Variants in RAB27B observed in about 807,000 individuals in gnomAD.
RAB27B encodes RAB27B, member RAS oncogene family.
A neutral mutation model predicts 24.6 loss-of-function variants in RAB27B; 15 were observed. The ratio of observed to expected loss-of-function variants is 0.61; its 90% CI spans 0.41 to 0.94. RAB27B has a LOEUF of 0.94. Ranked by LOEUF, RAB27B falls within the 40% of genes least tolerant of loss-of-function variation. The probability of loss-of-function intolerance (pLI) is 0.00; values close to 1 mark genes in which losing one functional copy is unlikely to be tolerated. For missense variants in RAB27B, 261 were observed against 266.8 expected (o/e 0.98, Z 0.15); for synonymous variants, 105 against 92.5 (o/e 1.14, Z -0.78).
intron 2 of RAB27B, among the ~76,000 whole-genome samples, chr18:54,812,550 A>AACAC (rs10595171): frequency 0.14 from 18,782 of 138,948 alleles, 1,451 homozygotes; most frequent in Middle Eastern, 0.21. Flanking sequence ...GAACTCCTTT[A>AACAC]ACACACACAC....
At chr18:54,833,523 G>A (rs920136780) in intron 1 of RAB27B, among the ~76,000 whole-genome samples, 8 of 151,986 alleles carry the variant, frequency 5.3e-5, no homozygotes, top group Admixed American at 2.0e-4. Context: ...AACTGCACCC[G>A]GCCATGAATC....
At chr18:54,806,257 G>T (rs1472242802) in intron 2 of RAB27B, among the ~76,000 whole-genome samples, 3 of 152,018 alleles carry the variant, frequency 2.0e-5, no homozygotes, top group Non-Finnish European at 4.4e-5. Context: ...GCTAGTATCT[G>T]AATCATCTGC....
chr18:54,787,980 G>A (rs1909140196), intron 2 of RAB27B, among the ~76,000 whole-genome samples: 1 of 152,220 alleles, frequency 6.6e-6, no homozygotes, highest in Non-Finnish European at 1.5e-5. Flanking sequence ...TTGTCACTCA[G>A]AACTTGCTAT....
intron 1 of RAB27B, among the ~76,000 whole-genome samples, chr18:54,872,608 A>G (rs566559020): frequency 1.0e-4 from 15 of 149,310 alleles, no homozygotes; most frequent in African/African-American, 3.2e-4. Flanking sequence ...CTGGGCAAGA[A>G]GAGTGAAACT....
In RAB27B at chr18:54,780,915, G is replaced by A. The variant is rs183013611; in HGVS notation, c.-20+62774G>A. On this transcript the variant is annotated intron_variant, in intron 2 of 4. Coordinates refer to the RAB27B transcript ENST00000586570. ...ACTGGGAGTAGCATATAGGCTAACA[G>A]CTCATTAGTAGTGTTCTACATAGCC... Among the ~76,000 whole-genome samples, 15 of 152,338 alleles carry A rather than the reference G, an allele frequency of 9.8e-5. No individual in the cohort carries two copies. In the East Asian group the frequency reaches 2.9e-3, roughly 29 times the overall value.
At chr18:54,808,068 G>GT (rs1373331009) in intron 2 of RAB27B, among the ~76,000 whole-genome samples, 1 of 152,158 alleles carries the variant, frequency 6.6e-6, no homozygotes, top group Non-Finnish European at 1.5e-5. Context: ...TAGAAGGAAG[G>GT]TGTCCTTCAT....
intron 2 of RAB27B, among the ~76,000 whole-genome samples, chr18:54,743,570 C>T (rs545909829): frequency 1.3e-4 from 20 of 152,066 alleles, no homozygotes; most frequent in Admixed American, 4.6e-4. Context: ...ACAATAAATG[C>T]GGGAAAAAGC....
At chr18:54,730,351 G>A (rs575017090) in intron 2 of RAB27B, among the ~76,000 whole-genome samples, 2 of 152,268 alleles carry the variant, frequency 1.3e-5, no homozygotes, top group South Asian at 2.1e-4. Context: ...CATGGACTGC[G>A]CCTTCCGACA....
chr18:54,884,049 T>G (rs778158870), intron 3 of RAB27B, among the ~76,000 whole-genome samples: 3 of 152,090 alleles, frequency 2.0e-5, no homozygotes, highest in Non-Finnish European at 4.4e-5. Context: ...GCCAAAAAGA[T>G]TCCAAGAAGC....
intron 2 of RAB27B, among the ~76,000 whole-genome samples, chr18:54,794,605 GA>G (rs1047469631): frequency 9.2e-5 from 14 of 152,304 alleles, no homozygotes; most frequent in African/African-American, 2.9e-4. Flanking sequence ...CACAATGTTG[GA>G]AAAATTCTTG....
chr18:54,749,275 A>T (rs1907749357), intron 2 of RAB27B, among the ~76,000 whole-genome samples: 1 of 152,174 alleles, frequency 6.6e-6, no homozygotes, highest in African/African-American at 2.4e-5. Flanking sequence ...AGGTAGGGGA[A>T]AGTCAGAGAG....
At chr18:54,879,933 A>C in intron 3 of RAB27B, 2 of 154,236 alleles carry the variant, frequency 1.3e-5, no homozygotes, top group Non-Finnish European at 2.9e-5. Context: ...AGAATATTTT[A>C]CTCCTTCCCA....
intron 1 of RAB27B, among the ~76,000 whole-genome samples, chr18:54,839,115 G>GC (rs1911008633): frequency 6.6e-6 from 1 of 152,060 alleles, no homozygotes; most frequent in Non-Finnish European, 1.5e-5. Context: ...ATTTGACATG[G>GC]TTATCAAGGG....
Position 54,889,259 on chromosome 18 carries a change from A to G in RAB27B, c.503A>G (p.Gln168Arg), listed in dbSNP as rs1331645296. Residue 168 changes from glutamine to arginine, a missense_variant, in exon 6 of 6, where the codon CAG (glutamine) becomes CGG (arginine). Gln to Arg is a conservative substitution (Grantham distance 43). Transcript: ENST00000262094. ...TTTGAAACAAGTGCAGCAACTGGAC[A>G]GAATGTGGAGAAAGCTGTAGAAACC... The part of the protein sequence containing the change: ...PYFETSAATG[Q>R]NVEKAVETLL... 3 of 1,611,808 alleles carry G rather than the reference A, an allele frequency of 1.9e-6. No homozygotes were observed. Among genetic ancestry groups the G allele is most frequent in the East Asian group, 4.5e-5 (2 of 44,844 alleles).
At chr18:54,780,616 A>G (rs1908885268) in intron 2 of RAB27B, among the ~76,000 whole-genome samples, 1 of 152,102 alleles carries the variant, frequency 6.6e-6, no homozygotes, top group South Asian at 2.1e-4. Flanking sequence ...CACCATTCGT[A>G]TTGGATTAGA....
At chr18:54,816,358 C>T (rs374342155) in intron 2 of RAB27B, among the ~76,000 whole-genome samples, 1 of 152,200 alleles carries the variant, frequency 6.6e-6, no homozygotes, top group East Asian at 1.9e-4. Context: ...AATTCAATTT[C>T]GAGATATTTC....
chr18:54,765,103 A>G (rs1221854604), intron 2 of RAB27B, among the ~76,000 whole-genome samples: 1 of 152,192 alleles, frequency 6.6e-6, no homozygotes, highest in African/African-American at 2.4e-5. Flanking sequence ...AAAACAAACA[A>G]GCAAAAAAAA....
At position 54,777,151 on chromosome 18, in the gene RAB27B, A is replaced by G. The variant is rs960620300; in HGVS notation, c.-20+59010A>G. Among the ~76,000 whole-genome samples the G allele has an allele frequency of 2.6e-5, 4 of 152,248 alleles. No individual in the cohort carries two copies. The East Asian group carries it at 7.7e-4, about 29-fold the overall frequency. On this transcript the variant is annotated intron_variant, in intron 2 of 4. Transcript: ENST00000586570. ...ATTTGTATACATTCTGGGAAATGTG[A>G]GAGAAATCCTCAAATTTACAATAAC...
chr18:54,776,010 A>T (rs1450309993), intron 2 of RAB27B, among the ~76,000 whole-genome samples: 1 of 152,240 alleles, frequency 6.6e-6, no homozygotes, highest in African/African-American at 2.4e-5. Flanking sequence ...AAGATGCTGG[A>T]GTTGTACAAA....
Sources: allele counts gnomAD v4.1 joint callset (sites outside exome capture counted in the v4.1 genomes callset), GRCh38; gene constraint gnomAD v4.1.1; transcripts MANE v1.5; gene names NCBI Gene and HGNC (gene_info 2026-07-23, HGNC 2026-07-21).